The following GTF2A1 variants were observed in gnomAD, a reference collection of about 807,000 sequenced individuals.
The protein encoded by GTF2A1 is general transcription factor IIA subunit 1, also known as transcription initiation factor IIA subunit 1.
A neutral mutation model predicts 54.1 loss-of-function variants in GTF2A1; 12 were observed. That is an observed-to-expected ratio of 0.22 (90% confidence interval 0.14 to 0.36). The LOEUF (loss-of-function observed/expected upper bound fraction) is 0.36. Among genes scored for constraint, GTF2A1 ranks in the 10% least tolerant of loss-of-function variants. The probability of loss-of-function intolerance (pLI) is 1.00; values close to 1 mark genes in which losing one functional copy is unlikely to be tolerated. For missense variants in GTF2A1, 335 were observed against 442.2 expected (o/e 0.76, Z 2.17); for synonymous variants, 145 against 152.0 (o/e 0.95, Z 0.34).
intron 2 of GTF2A1, chr14:81,204,411 C>T (rs2140164251): frequency 2.4e-6 from 1 of 419,020 alleles, no homozygotes; most frequent in Non-Finnish European, 4.5e-6. Context: ...ATACAAGCAA[C>T]TTCTTTAGTA....
intron 1 of GTF2A1, among the ~76,000 whole-genome samples, chr14:81,216,906 G>C (rs901434383): frequency 3.3e-5 from 5 of 152,100 alleles, no homozygotes; most frequent in Non-Finnish European, 5.9e-5. Context: ...TTAGACTTTG[G>C]AGAATCTTAT....
chr14:81,218,675 A>G (rs1335298424), intron 1 of GTF2A1, among the ~76,000 whole-genome samples: 1 of 152,110 alleles, frequency 6.6e-6, no homozygotes, highest in Non-Finnish European at 1.5e-5. Context: ...GGCATTATTA[A>G]GTCATTTGTT....
At position 81,219,903 on chromosome 14, in the gene GTF2A1, T is replaced by G. The variant is rs116496438; in HGVS notation, c.30+586A>C. On this transcript the variant is annotated intron_variant, in intron 1 of 8. Transcript: ENST00000553612. The stretch of plus-strand genomic sequence containing the variant: ...TTTACCCATTCGGAAGGAACTGAGA[T>G]AAGTGCTTTTCAACCAACCTTCGTC... 9.8e-3 allele frequency among the ~76,000 whole-genome samples: 1,496 copies of G among 152,274 alleles called. 29 individuals carry two copies. Among genetic ancestry groups the G allele is most frequent in the African/African-American group, 0.034 (1,433 of 41,554 alleles).
intron 2 of GTF2A1, among the ~76,000 whole-genome samples, chr14:81,210,806 C>T (rs138763748): frequency 0.042 from 6,389 of 152,176 alleles, 184 homozygotes; most frequent in Middle Eastern, 0.078. Flanking sequence ...TCGCCCACCT[C>T]GGCCTCCCAA....
chr14:81,193,681 C>A (rs940673629), intron 6 of GTF2A1, among the ~76,000 whole-genome samples: 13 of 152,136 alleles, frequency 8.5e-5, no homozygotes, highest in Non-Finnish European at 1.0e-4. Flanking sequence ...TTCTAAAAAC[C>A]ACCAGATCAG....
intron 5 of GTF2A1, among the ~76,000 whole-genome samples, chr14:81,196,917 T>C (rs757265159): frequency 4.6e-5 from 7 of 152,162 alleles, no homozygotes; most frequent in Non-Finnish European, 8.8e-5. Context: ...ATAATCAAGA[T>C]TATAGGGAAC....
chr14:81,215,320 T>C (rs1893463614), intron 2 of GTF2A1, among the ~76,000 whole-genome samples: 1 of 152,220 alleles, frequency 6.6e-6, no homozygotes, highest in Non-Finnish European at 1.5e-5. Flanking sequence ...GAATTGTGAA[T>C]TTAACTGGTC....
chr14:81,216,238 AAATGTAGCTTGCCTAAGGTCAGAGGAAG>A (rs1893486222), intron 2 of GTF2A1, among the ~76,000 whole-genome samples, 147 bp downstream of exon 2: 1 of 152,228 alleles, frequency 6.6e-6, no homozygotes, highest in South Asian at 2.1e-4. Context: ...ACTGAAATAT[AAATGTAGCTTGCCTAAGGTCAGAGGAAG>A]AATGCATGGC....
In GTF2A1 at chr14:81,220,537, CAAGAGGG is replaced by C. The variant is rs1566863982; in HGVS notation, c.-26_-20del. ...TCGCCATTTCCACACACAACACAAACAAGAGGGGGCAACCCCAAGAAAACAAGATAAA... is the reference window on the plus strand; with the variant it reads ...TCGCCATTTCCACACACAACACAAACGGCAACCCCAAGAAAACAAGATAAA... On this transcript the variant is annotated 5_prime_UTR_variant, in exon 1 of 9. Coordinates refer to ENST00000553612, the MANE Select transcript of GTF2A1 (RefSeq NM_015859.4). 1 of 1,548,446 alleles carries C rather than the reference CAAGAGGG, an allele frequency of 6.5e-7. No individual in the cohort carries two copies. Among genetic ancestry groups the C allele is most frequent in the Admixed American group, 1.9e-5 (1 of 52,140 alleles).
chr14:81,205,241 G>A (rs765741109), intron 2 of GTF2A1, among the ~76,000 whole-genome samples: 6 of 151,932 alleles, frequency 3.9e-5, no homozygotes, highest in African/African-American at 7.3e-5. Flanking sequence ...GATTATAGGC[G>A]TGAGCCACCA....
chr14:81,189,373 T>TA (rs977613123), intron 7 of GTF2A1, among the ~76,000 whole-genome samples: 2 of 152,018 alleles, frequency 1.3e-5, no homozygotes, highest in African/African-American at 4.8e-5. Context: ...CACTCAGTAG[T>TA]AAAAAATGGA....
chr14:81,198,923 G>C (rs899563819), intron 4 of GTF2A1, among the ~76,000 whole-genome samples: 5 of 152,108 alleles, frequency 3.3e-5, no homozygotes, highest in African/African-American at 9.7e-5. Flanking sequence ...ACAAACCTAA[G>C]TAATTTCTAC....
At chr14:81,209,859 T>G in intron 2 of GTF2A1, 1 of 1,193,346 alleles carries the variant, frequency 8.4e-7, no homozygotes, top group Non-Finnish European at 1.1e-6. Flanking sequence ...ACATTTCTAT[T>G]TTGTACTTAC....
chr14:81,203,519 C>T (rs1259441823), intron 3 of GTF2A1, among the ~76,000 whole-genome samples: 1 of 152,076 alleles, frequency 6.6e-6, no homozygotes, highest in East Asian at 1.9e-4. Context: ...ACTATTGTAC[C>T]ATATAAAATA....
intron 4 of GTF2A1, among the ~76,000 whole-genome samples, chr14:81,199,099 T>C (rs1463831087): frequency 1.3e-5 from 2 of 152,178 alleles, no homozygotes; most frequent in Non-Finnish European, 2.9e-5. Context: ...CACCACATAC[T>C]ATTAAGAAAT....
intron 8 of GTF2A1, 100 bp downstream of exon 8, chr14:81,185,431 A>T (rs942437412): frequency 9.2e-5 from 61 of 665,360 alleles, no homozygotes; most frequent in Non-Finnish European, 1.4e-4. Context: ...TTTAAGAGGC[A>T]TGAATCAGCT....
chr14:81,205,555 TATTATTA>T (rs1255367086), intron 2 of GTF2A1, among the ~76,000 whole-genome samples: 1 of 152,190 alleles, frequency 6.6e-6, no homozygotes, highest in Non-Finnish European at 1.5e-5. Context: ...GATCAAAATA[TATTATTA>T]TTGGTGGCAG....
chr14:81,181,817 C>T lies in GTF2A1; in HGVS notation c.1024-1487G>A, dbSNP rs553701155. Among the ~76,000 whole-genome samples, 36 of 152,308 alleles carry T rather than the reference C, an allele frequency of 2.4e-4. 2 individuals are homozygous for T. The South Asian group carries it at 7.3e-3, about 31-fold the overall frequency. On this transcript the variant is annotated intron_variant, in intron 8 of 8. Transcript: ENST00000553612. ...TCGGCCTCCCAAAGTGCTGGGATTA[C>T]AGGCGTGAGCCACTGCACCCGGCCA...
At chr14:81,204,457 C>A (rs1310206946) in intron 2 of GTF2A1, among the ~76,000 whole-genome samples, 1 of 152,038 alleles carries the variant, frequency 6.6e-6, no homozygotes, top group African/African-American at 2.4e-5. Flanking sequence ...AAAACCATTA[C>A]TAAACTATTT....
Sources: gnomAD v4.1 joint callset for allele counts (sites outside exome capture counted in the v4.1 genomes callset) on GRCh38, gnomAD v4.1.1 for gene constraint, MANE v1.5 for transcripts, NCBI Gene and HGNC (gene_info 2026-07-23, HGNC 2026-07-21) for gene names.